Variants in PODXL observed in about 807,000 individuals in gnomAD.
PODXL encodes the protein podocalyxin.
In PODXL, 20 loss-of-function variants were observed where a neutral mutation model predicts 48.9. The ratio of observed to expected loss-of-function variants is 0.41; its 90% confidence interval spans 0.29 to 0.59. The LOEUF is 0.59. Ranked by LOEUF, PODXL falls within the 20% of genes least tolerant of loss-of-function variation. The probability of loss-of-function intolerance (pLI) is 0.31; values close to 1 mark genes in which losing one functional copy is unlikely to be tolerated. For synonymous variants in PODXL, 295 were observed against 287.4 expected, an observed-to-expected ratio of 1.03 and a Z score of -0.27; for missense variants, 606 against 675.1, an observed-to-expected ratio of 0.90 and a Z score of 1.13.
At chr7:131,546,599 G>A (rs1798579210) in intron 1 of PODXL, among the ~76,000 whole-genome samples, 1 of 151,964 alleles carries the variant, frequency 6.6e-6, no homozygotes, top group South Asian at 2.1e-4. Context: ...GGGGGCAGGT[G>A]CCTGTAATCC....
intron 1 of PODXL, among the ~76,000 whole-genome samples, chr7:131,531,078 T>C (rs1056510663): frequency 4.6e-5 from 7 of 152,026 alleles, no homozygotes; most frequent in African/African-American, 1.7e-4. Flanking sequence ...ATTAAGTCAG[T>C]ACGCTTAATT....
chr7:131,509,960 C>T (rs1429651211), intron 3 of PODXL, among the ~76,000 whole-genome samples: 1 of 152,160 alleles, frequency 6.6e-6, no homozygotes, highest in Non-Finnish European at 1.5e-5. Context: ...GGATTCGAAG[C>T]CAGGATTATC....
At chr7:131,544,537 G>A (rs1798534100) in intron 1 of PODXL, among the ~76,000 whole-genome samples, 1 of 152,188 alleles carries the variant, frequency 6.6e-6, no homozygotes, top group African/African-American at 2.4e-5. Flanking sequence ...ACCTCAGGAT[G>A]AGAAGCAACT....
chr7:131,526,319 A>C (rs1266221163), intron 1 of PODXL, among the ~76,000 whole-genome samples: 2 of 152,210 alleles, frequency 1.3e-5, no homozygotes, highest in Non-Finnish European at 2.9e-5. Context: ...TTGAGCAACA[A>C]AACAAGAAAT....
Position 131,505,965 on chromosome 7 carries a change from G to C in PODXL, c.1382C>G (p.Pro461Arg). ...PEEAEDRFSM[P>R]LIITIVCMAS... is the part of the protein sequence containing the mutation. ...CATGCAGACGATGGTGATGATGAGGGGCATGCTGAAGCGGTCCTCGGCCTC... is the reference window on the plus strand; with the variant it reads ...CATGCAGACGATGGTGATGATGAGGCGCATGCTGAAGCGGTCCTCGGCCTC... The change falls in exon 8 of 9, where the codon CCC (proline) becomes CGC (arginine). Residue 461 changes from proline (P) to arginine (R), a missense_variant. Transcript: ENST00000378555. 6.2e-7 allele frequency: 1 copy of C among 1,610,334 alleles called. No homozygotes were observed. Among genetic ancestry groups the C allele is most frequent in the Admixed American group, 1.7e-5 (1 of 59,420 alleles).
intron 2 of PODXL, 82 bp downstream of exon 2, chr7:131,510,746 A>T: frequency 6.5e-7 from 1 of 1,547,964 alleles, no homozygotes; most frequent in Non-Finnish European, 8.9e-7. Context: ...TGCTGGGATT[A>T]CAAGGCATGA....
chr7:131,508,865 C>T, intron 5 of PODXL, 86 bp downstream of exon 5: 1 of 961,248 alleles, frequency 1.0e-6, no homozygotes, highest in Non-Finnish European at 1.7e-6. Context: ...TTTAAAAATG[C>T]ACCTAGAAAG....
chr7:131,555,037 G>A (rs553499820), intron 1 of PODXL, among the ~76,000 whole-genome samples: 1 of 152,320 alleles, frequency 6.6e-6, no homozygotes, highest in East Asian at 1.9e-4. Context: ...GCCGGCCACA[G>A]GAGGATGCCC....
At chr7:131,516,897 T>C (rs1798006031) in intron 1 of PODXL, among the ~76,000 whole-genome samples, 4 of 152,060 alleles carry the variant, frequency 2.6e-5, no homozygotes, top group Admixed American at 6.6e-5. Flanking sequence ...ACCTGAGAAA[T>C]TTTGTAGAAA....
intron 1 of PODXL, among the ~76,000 whole-genome samples, chr7:131,548,355 G>A (rs1050683783): frequency 3.3e-5 from 5 of 152,210 alleles, no homozygotes; most frequent in African/African-American, 1.2e-4. Context: ...ACTGTTTTTT[G>A]GGTAGGCACT....
intron 1 of PODXL, among the ~76,000 whole-genome samples, chr7:131,552,084 AC>A (rs1299970871): frequency 2.6e-5 from 4 of 152,208 alleles, no homozygotes; most frequent in Admixed American, 6.5e-5. Context: ...GAACAAGCCC[AC>A]TGGCCAGACA....
At chr7:131,545,053 C>T (rs985974530) in intron 1 of PODXL, among the ~76,000 whole-genome samples, 1 of 152,148 alleles carries the variant, frequency 6.6e-6, no homozygotes, top group Non-Finnish European at 1.5e-5. Context: ...GTCAAGGACT[C>T]AAAAAGCAGC....
chr7:131,524,822 C>A (rs1481347838), intron 1 of PODXL, among the ~76,000 whole-genome samples: 1 of 151,906 alleles, frequency 6.6e-6, no homozygotes, highest in Non-Finnish European at 1.5e-5. Flanking sequence ...GTTTTATTTA[C>A]CATCACCCAA....
Position 131,556,353 on chromosome 7 carries a change from A to G in PODXL, c.7T>C (p.Cys3Arg). 1 of 1,440,236 alleles carries G rather than the reference A, an allele frequency of 6.9e-7. No homozygotes were observed. The highest frequency in any genetic ancestry group is 2.8e-5 in the East Asian group (1 of 35,608). 89.2% of individuals were successfully genotyped at this position (1,440,236 alleles called of 1,614,324 possible). A position where few individuals can be genotyped will look rare whatever the true frequency, so the allele number is the denominator to read the frequency against. The stretch of plus-strand genomic sequence containing the variant: ...AGCAGCGCCGAGAGCGCCAGCGCGC[A>G]GCGCATCGTGTCGTCGCCTCTGGGC... Reference protein sequence around the residue: MRCALALSALLLL... With the variant: MRRALALSALLLL... Residue 3 changes from cysteine to arginine, a missense_variant, in exon 1 of 9, where the codon TGC becomes CGC. Transcript: ENST00000378555.
chr7:131,532,390 C>T (rs1281365460), intron 1 of PODXL, among the ~76,000 whole-genome samples: 40 of 149,548 alleles, frequency 2.7e-4, no homozygotes, highest in Admixed American at 2.1e-3. Context: ...GAGCTGAGAT[C>T]GCGCCACTGC....
chr7:131,549,132 C>T (rs763778185), intron 1 of PODXL, among the ~76,000 whole-genome samples: 9 of 151,878 alleles, frequency 5.9e-5, no homozygotes, highest in East Asian at 3.9e-4. Context: ...AAAATAAAGG[C>T]GAGTAGGAGG....
chr7:131,529,783 G>C (rs1353729525), intron 1 of PODXL, among the ~76,000 whole-genome samples: 23 of 152,068 alleles, frequency 1.5e-4, no homozygotes, highest in Admixed American at 1.2e-3. Context: ...CTCTTGAAAT[G>C]CATCTGTGAA....
chr7:131,547,374 C>CAAAAAA (rs10683140), intron 1 of PODXL, among the ~76,000 whole-genome samples: 1,813 of 68,884 alleles, frequency 0.026, 137 homozygotes, highest in Admixed American at 0.069. Context: ...AACTCCGTCT[C>CAAAAAA]AAAAAAAAAA....
intron 5 of PODXL, among the ~76,000 whole-genome samples, chr7:131,507,362 G>A (rs1797827009): frequency 6.6e-6 from 1 of 152,202 alleles, no homozygotes; most frequent in Non-Finnish European, 1.5e-5. Context: ...CTTGGAGGGG[G>A]TCTTATTTAG....
Sources: allele counts gnomAD v4.1 joint callset (sites outside exome capture counted in the v4.1 genomes callset), GRCh38; gene constraint gnomAD v4.1.1; transcripts MANE v1.5; gene names NCBI Gene and HGNC (gene_info 2026-07-23, HGNC 2026-07-21).